Variants in STRBP observed in about 807,000 individuals in gnomAD.
STRBP encodes spermatid perinuclear RNA-binding protein.
Under a neutral mutation model 80.1 loss-of-function variants are expected in STRBP, and 13 were observed. That is an observed-to-expected ratio of 0.16 (90% CI 0.11 to 0.26). The LOEUF (loss-of-function observed/expected upper bound fraction) is 0.26. Ranked by LOEUF, STRBP falls within the 10% of genes least tolerant of loss-of-function variation. The probability of loss-of-function intolerance (pLI) is 1.00; values close to 1 mark genes in which losing one functional copy is unlikely to be tolerated. For missense variants in STRBP, 485 were observed against 815.2 expected (o/e 0.59, Z 4.93); for synonymous variants, 284 against 291.2 (o/e 0.98, Z 0.25).
downstream of STRBP, among the ~76,000 whole-genome samples, chr9:123,119,532 GGT>G (rs1417891906): frequency 6.6e-6 from 1 of 151,818 alleles, no homozygotes; most frequent in Non-Finnish European, 1.5e-5. Context: ...AGGTCTTTGG[GGT>G]GTGTTTCTTG....
intron 17 of STRBP, among the ~76,000 whole-genome samples, chr9:123,129,072 T>C (rs903974370): frequency 2.0e-5 from 3 of 152,180 alleles, no homozygotes; most frequent in Non-Finnish European, 2.9e-5. Flanking sequence ...AAAAATTACT[T>C]GGGGCCAGGT....
intron 6 of STRBP, among the ~76,000 whole-genome samples, chr9:123,165,492 G>A (rs1028021949): frequency 6.6e-6 from 1 of 152,116 alleles, no homozygotes; most frequent in Admixed American, 6.5e-5. Context: ...CAACTTCTCT[G>A]ACAGTCCCTG....
intron 1 of STRBP, among the ~76,000 whole-genome samples, chr9:123,241,567 T>C (rs1183203936): frequency 1.3e-5 from 2 of 150,894 alleles, no homozygotes; most frequent in African/African-American, 2.4e-5. Flanking sequence ...CTTGTTCCTC[T>C]CCCAAGTCTT....
intron 2 of STRBP, among the ~76,000 whole-genome samples, chr9:123,187,312 C>T (rs973073944): frequency 6.6e-6 from 1 of 151,248 alleles, no homozygotes; most frequent in African/African-American, 2.4e-5. Context: ...AACACACAGG[C>T]TTTGGAGTCA....
intron 2 of STRBP, among the ~76,000 whole-genome samples, chr9:123,218,667 C>T (rs2039979173): frequency 6.6e-6 from 1 of 152,084 alleles, no homozygotes; most frequent in South Asian, 2.1e-4. Context: ...CCGCGCCCGG[C>T]CTAAATATGA....
chr9:123,199,125 TG>T (rs1312998539), intron 2 of STRBP, among the ~76,000 whole-genome samples: 2 of 152,108 alleles, frequency 1.3e-5, no homozygotes, highest in Non-Finnish European at 2.9e-5. Flanking sequence ...TTAGTAGAGA[TG>T]GGGTTTCATC....
chr9:123,109,900 C>T (rs565022857), intron 3 of STRBP: 37 of 152,330 alleles, frequency 2.4e-4, no homozygotes, highest in Middle Eastern at 3.4e-3. Flanking sequence ...ACTATTTACA[C>T]TTGCGTATTC....
At chr9:123,119,198 C>T (rs1343921201), downstream of STRBP, among the ~76,000 whole-genome samples, 2 of 152,140 alleles carry the variant, frequency 1.3e-5, no homozygotes, top group Non-Finnish European at 2.9e-5. Context: ...CCTTTCCTTT[C>T]TGTGCTTTAA....
intron 2 of STRBP, among the ~76,000 whole-genome samples, chr9:123,215,247 C>T (rs1174942711): frequency 1.3e-5 from 2 of 151,722 alleles, no homozygotes; most frequent in Non-Finnish European, 2.9e-5. Context: ...TGTAGAGACA[C>T]GTTCTTGCTA....
chr9:123,246,911 A>G (rs565834720), intron 1 of STRBP, among the ~76,000 whole-genome samples: 1 of 152,328 alleles, frequency 6.6e-6, no homozygotes, highest in Admixed American at 6.5e-5. Context: ...GCCTAAAACA[A>G]CCTGTAAAAA....
In STRBP at chr9:123,186,824, TTA is replaced by T. The variant is rs1491516474; in HGVS notation, c.-164-2528_-164-2527del. 6.0e-4 allele frequency among the ~76,000 whole-genome samples: 35 copies of T among 58,468 alleles called. No individual in the cohort carries two copies. In the East Asian group the frequency reaches 0.015, roughly 26 times the overall value. The allele number at this position is 58,468 out of a possible 152,430, so 38.4% of individuals were successfully genotyped here. On this transcript the variant is annotated intron_variant, in intron 2 of 18. Transcript: ENST00000348403. ...ATAGCTTTTAAGAGTTTTTCTTTTT[TTA>T]AAAAAAAAAAAAAAAAAGGTCAACC...
intron 1 of STRBP, among the ~76,000 whole-genome samples, chr9:123,250,728 A>C (rs2040895945): frequency 6.6e-6 from 1 of 152,224 alleles, no homozygotes. Flanking sequence ...CCTCCAATGA[A>C]CAACAGATTT....
intron 2 of STRBP, among the ~76,000 whole-genome samples, chr9:123,193,292 T>C (rs1236366920): frequency 6.6e-6 from 1 of 152,178 alleles, no homozygotes; most frequent in East Asian, 1.9e-4. Flanking sequence ...CCTAAATTTA[T>C]CCTTCCTTAG....
At position 123,122,807 on chromosome 9, in the gene STRBP, T is replaced by TA; in HGVS notation, c.*2789dup. On this transcript the variant is annotated 3_prime_UTR_variant, in exon 19 of 19. Coordinates refer to ENST00000348403, the MANE Select transcript of STRBP (RefSeq NM_018387.5). ...GTAACTATTTATGTGCTAAAAAGTG[T>TA]AAAAAACTGTCAGAACATAGCACAG... The TA allele has an allele frequency of 1.0e-6, 1 of 988,934 alleles. No homozygotes were observed. Among genetic ancestry groups the TA allele is most frequent in the South Asian group, 4.6e-5 (1 of 21,550 alleles). 61.3% of individuals were successfully genotyped at this position (988,934 alleles called of 1,614,324 possible). A position where few individuals can be genotyped will look rare whatever the true frequency, so the allele number is the denominator to read the frequency against.
chr9:123,210,199 G>A (rs1373855681), intron 2 of STRBP, among the ~76,000 whole-genome samples: 3 of 151,964 alleles, frequency 2.0e-5, no homozygotes, highest in Non-Finnish European at 2.9e-5. Context: ...TAACAGATAT[G>A]GGCATCGAAA....
At chr9:123,194,991 T>G (rs1172929872) in intron 2 of STRBP, among the ~76,000 whole-genome samples, 1 of 152,178 alleles carries the variant, frequency 6.6e-6, no homozygotes, top group Admixed American at 6.5e-5. Context: ...TTTGAGACTT[T>G]AAATACCATC....
intron 2 of STRBP, among the ~76,000 whole-genome samples, chr9:123,223,045 T>C (rs1564315130): frequency 1.4e-5 from 2 of 143,948 alleles, no homozygotes; most frequent in East Asian, 4.1e-4. Context: ...CTCAGATAGA[T>C]AGATGATAGA....
chr9:123,172,666 T>A (rs1588040942), intron 5 of STRBP, among the ~76,000 whole-genome samples: 2 of 152,008 alleles, frequency 1.3e-5, no homozygotes, highest in Admixed American at 6.6e-5. Context: ...TGCCAATCAG[T>A]AAAATAAATC....
chr9:123,168,563 C>A (rs988441332), intron 6 of STRBP, among the ~76,000 whole-genome samples: 1 of 152,188 alleles, frequency 6.6e-6, no homozygotes, highest in Non-Finnish European at 1.5e-5. Flanking sequence ...CTACCCTTAT[C>A]ACCAAGTTGA....
Sources: gnomAD v4.1 joint callset for allele counts (sites outside exome capture counted in the v4.1 genomes callset) on GRCh38, gnomAD v4.1.1 for gene constraint, MANE v1.5 for transcripts, NCBI Gene and HGNC (gene_info 2026-07-23, HGNC 2026-07-21) for gene names.